SVIL: variants seen among roughly 807,000 people sequenced by gnomAD.
SVIL encodes the protein supervillin.
Under a neutral mutation model 240.4 loss-of-function variants are expected in SVIL, and 101 were observed. The observed-to-expected ratio is 0.42, with a 90% confidence interval of 0.36 to 0.50. The LOEUF (loss-of-function observed/expected upper bound fraction) is 0.50. Ranked by LOEUF, SVIL falls within the 20% of genes least tolerant of loss-of-function variation. The pLI, the probability that SVIL is intolerant of heterozygous loss-of-function variation, is 0.01. For missense variants in SVIL, 2,512 were observed against 2,818.7 expected, an observed-to-expected ratio of 0.89 and a Z score of 2.46; for synonymous variants, 999 against 1,100.0, an observed-to-expected ratio of 0.91 and a Z score of 1.82.
At chr10:29,626,856 C>G (rs577834779) in intron 1 of SVIL, among the ~76,000 whole-genome samples, 3 of 151,960 alleles carry the variant, frequency 2.0e-5, no homozygotes, top group Admixed American at 6.6e-5. Context: ...AACCCCGTCT[C>G]TACTAAAAAT....
chr10:29,635,865 C>T (rs1292236744), upstream of SVIL, among the ~76,000 whole-genome samples: 1 of 152,154 alleles, frequency 6.6e-6, no homozygotes, highest in Non-Finnish European at 1.5e-5. Flanking sequence ...CTGTGTGCTG[C>T]GCGGGGCCTC....
In SVIL at chr10:29,622,719, G is replaced by A. The variant is rs1045670723; in HGVS notation, c.-201+11701C>T. 4.6e-5 allele frequency among the ~76,000 whole-genome samples: 7 copies of A among 152,062 alleles called. 1 individual carries two copies. In the South Asian group the frequency reaches 8.3e-4, roughly 18 times the overall value. ...CAGAACAACACCATGACCTTAAACC[G>A]AAACACAAACGTAGGAAAGAACAAC... On this transcript the variant is annotated intron_variant, in intron 1 of 37. Coordinates refer to ENST00000355867, the MANE Select transcript of SVIL (RefSeq NM_021738.3).
At chr10:29,474,682 C>CA (rs1172141994) in intron 29 of SVIL, among the ~76,000 whole-genome samples, 34 of 152,026 alleles carry the variant, frequency 2.2e-4, no homozygotes, top group African/African-American at 7.5e-4. Flanking sequence ...TAAGGGCTCA[C>CA]ACAGACACAA....
chr10:29,575,772 G>A (rs186564096), intron 1 of SVIL, among the ~76,000 whole-genome samples: 12 of 152,194 alleles, frequency 7.9e-5, no homozygotes, highest in Admixed American at 7.8e-4. Context: ...TCATGACACG[G>A]TTTTCTCAAT....
intron 1 of SVIL, among the ~76,000 whole-genome samples, chr10:29,589,137 GA>G (rs1039254931): frequency 1.3e-5 from 2 of 151,818 alleles, no homozygotes; most frequent in South Asian, 2.1e-4. Context: ...ATGCCAAAGG[GA>G]AAAAAAACAA....
chr10:29,512,476 A>G (rs1426428557), intron 17 of SVIL, among the ~76,000 whole-genome samples: 2 of 152,230 alleles, frequency 1.3e-5, no homozygotes, highest in Admixed American at 6.5e-5. Context: ...AACTGAAGAA[A>G]AAGTCCACAC....
At chr10:29,711,959 G>A (rs1199018781) in intron 1 of SVIL, 1 of 148,484 alleles carries the variant, frequency 6.7e-6, no homozygotes, top group Non-Finnish European at 1.5e-5. Flanking sequence ...AGATCAGCAT[G>A]GCCCCTGCGC....
At chr10:29,511,885 C>G (rs1393553742) in intron 17 of SVIL, among the ~76,000 whole-genome samples, 1 of 152,358 alleles carries the variant, frequency 6.6e-6, no homozygotes, top group African/African-American at 2.4e-5. Context: ...CTCATCATCT[C>G]TCCCTTCCAC....
At chr10:29,700,760 AC>A (rs1962458264) in intron 1 of SVIL, among the ~76,000 whole-genome samples, 2 of 152,254 alleles carry the variant, frequency 1.3e-5, no homozygotes, top group African/African-American at 4.8e-5. Flanking sequence ...GGCGTGAGTC[AC>A]TGCGCCTGGC....
intron 2 of SVIL, among the ~76,000 whole-genome samples, chr10:29,673,528 T>C (rs1303951317): frequency 1.4e-5 from 2 of 147,052 alleles, no homozygotes; most frequent in African/African-American, 2.5e-5. Context: ...AAACTTAAAA[T>C]CATGGCGGAA....
chr10:29,524,543 T>G lies in SVIL; in HGVS notation c.2515A>C (p.Ile839Leu). 6.2e-7 allele frequency: 1 copy of G among 1,614,194 alleles called. No individual in the cohort carries two copies. Among genetic ancestry groups the G allele is most frequent in the Non-Finnish European group, 8.5e-7 (1 of 1,180,036 alleles). ...VSKAISTRNRIDTRQRRMNAR... is the reference protein window; with the variant it reads ...VSKAISTRNRLDTRQRRMNAR... ...TTCATTCTCCTCTGTCTCGTGTCTA[T>G]TCTGTTCCGGGTAGAAATCGCTTTT... Residue 839 changes from isoleucine to leucine, a missense_variant, in exon 14 of 38, where the codon ATA becomes CTA. Ile to Leu is a conservative substitution (Grantham distance 5, BLOSUM62 2). Coordinates refer to ENST00000355867, the MANE Select transcript of SVIL (RefSeq NM_021738.3).
rs574741392 is a variant in SVIL at position 29,689,539 on chromosome 10, C to T, written c.-399-2888G>A. Among the ~76,000 whole-genome samples the T allele has an allele frequency of 2.0e-5, 3 of 152,332 alleles. No homozygotes were observed. In the South Asian group the frequency reaches 6.2e-4, roughly 32 times the overall value. On this transcript the variant is annotated intron_variant, in intron 1 of 35. Transcript: ENST00000375400. ...GACCTCGTGATCTGCCCATCTCGGC[C>T]TCCCAAAGTGCTGGGATTACAGGCG...
At chr10:29,670,758 G>T (rs1001293607) in intron 2 of SVIL, among the ~76,000 whole-genome samples, 6 of 152,178 alleles carry the variant, frequency 3.9e-5, no homozygotes, top group African/African-American at 1.4e-4. Context: ...AGAGTGAAGT[G>T]CAGTGGCAGG....
rs138901485 is a variant in SVIL at position 29,517,152 on chromosome 10, C to T, written c.3390-4291G>A. The stretch of plus-strand genomic sequence containing the variant: ...GAGGGCCAGGCGTGGTGGCTCACAC[C>T]TGTAATCCCAGCACTTTGGAAGGCT... On this transcript the variant is annotated intron_variant, in intron 16 of 37. Coordinates refer to ENST00000355867, the MANE Select transcript of SVIL (RefSeq NM_021738.3). Among the ~76,000 whole-genome samples the T allele has an allele frequency of 3.1e-3, 470 of 152,220 alleles. 7 individuals are homozygous for T. In the South Asian group the frequency reaches 0.045, roughly 15 times the overall value.
At chr10:29,643,576 T>C (rs1958557209) in intron 3 of SVIL, among the ~76,000 whole-genome samples, 1 of 152,154 alleles carries the variant, frequency 6.6e-6, no homozygotes, top group Non-Finnish European at 1.5e-5. Flanking sequence ...ATAAATTTCT[T>C]TTTAAAGACA....
At chr10:29,664,845 C>T (rs1959201098) in intron 2 of SVIL, among the ~76,000 whole-genome samples, 1 of 152,124 alleles carries the variant, frequency 6.6e-6, no homozygotes, top group Non-Finnish European at 1.5e-5. Context: ...TGATTTCCTC[C>T]AACTGTCCTC....
intron 2 of SVIL, among the ~76,000 whole-genome samples, chr10:29,568,099 C>T (rs868224736): frequency 1.3e-5 from 2 of 151,428 alleles, no homozygotes; most frequent in African/African-American, 2.4e-5. Flanking sequence ...ATGAGAAATA[C>T]GGATGCATCC....
chr10:29,588,413 C>A (rs1956255896), intron 1 of SVIL, among the ~76,000 whole-genome samples: 1 of 151,860 alleles, frequency 6.6e-6, no homozygotes, highest in Admixed American at 6.5e-5. Flanking sequence ...ACTTCCTGTG[C>A]AGTTTCTTGG....
intron 6 of SVIL, among the ~76,000 whole-genome samples, chr10:29,539,359 G>A (rs1951977469): frequency 6.6e-6 from 1 of 152,168 alleles, no homozygotes; most frequent in Non-Finnish European, 1.5e-5. Context: ...CAATTCAGAA[G>A]TCATGCGATT....
Sources: allele counts gnomAD v4.1 joint callset (sites outside exome capture counted in the v4.1 genomes callset), GRCh38; gene constraint gnomAD v4.1.1; transcripts MANE v1.5; gene names NCBI Gene and HGNC (gene_info 2026-07-23, HGNC 2026-07-21).